The following SOX6 variants were observed in gnomAD, a reference collection of about 807,000 sequenced individuals.
The protein encoded by SOX6 is transcription factor SOX-6.
A neutral mutation model predicts 97.8 loss-of-function variants in SOX6; 11 were observed. That is an observed-to-expected ratio of 0.11 (90% CI 0.07 to 0.19). The LOEUF (loss-of-function observed/expected upper bound fraction) is 0.19. Ranked by LOEUF, SOX6 falls within the 10% of genes least tolerant of loss-of-function variation. The probability of loss-of-function intolerance (pLI) is 1.00; values close to 1 mark genes in which losing one functional copy is unlikely to be tolerated. For synonymous variants in SOX6, 360 were observed against 371.4 expected (o/e 0.97, Z 0.35); for missense variants, 810 against 1,039.5 (o/e 0.78, Z 3.04).
intron 3 of SOX6, chr11:16,318,055 T>G (rs1257497319): frequency 7.3e-6 from 3 of 412,198 alleles, no homozygotes; most frequent in Non-Finnish European, 1.4e-5. Context: ...AGAAATATTT[T>G]TAATTTTGCT....
At chr11:16,466,194 T>A (rs1367061678) in intron 1 of SOX6, among the ~76,000 whole-genome samples, 1 of 152,234 alleles carries the variant, frequency 6.6e-6, no homozygotes, top group Non-Finnish European at 1.5e-5. Context: ...TTATTGGCAA[T>A]CTTTAACTCA....
rs977820889 is a variant in SOX6, at chr11:16,582,158, T to C, written n.609+29923A>G. On this transcript the variant is annotated intron_variant and non_coding_transcript_variant, in intron 4 of 5. Transcript: ENST00000524520. ...GAAACAATAAATACCAGCGACTACCTGGGGAGGAAGTAAGGGGGCAAAGAC... is the reference window on the plus strand; with the variant it reads ...GAAACAATAAATACCAGCGACTACCCGGGGAGGAAGTAAGGGGGCAAAGAC... Among the ~76,000 whole-genome samples the C allele has an allele frequency of 2.0e-5, 3 of 152,082 alleles. No individual in the cohort carries two copies. In the East Asian group the frequency reaches 5.8e-4, roughly 29 times the overall value.
intron 5 of SOX6, 38 bp from the exon 6 acceptor site, chr11:16,183,992 G>A: frequency 6.5e-7 from 1 of 1,550,300 alleles, no homozygotes. Context: ...AAAATGAAAT[G>A]CTTACACCTC....
intron 3 of SOX6, chr11:16,317,370 A>C (rs1432428299): frequency 6.6e-6 from 1 of 151,902 alleles, no homozygotes; most frequent in Non-Finnish European, 1.5e-5. Flanking sequence ...CAAAATGTTT[A>C]AGTTGCAAAC....
At chr11:16,483,385 G>A (rs1860378541) in intron 4 of SOX6, among the ~76,000 whole-genome samples, 1 of 151,816 alleles carries the variant, frequency 6.6e-6, no homozygotes, top group Non-Finnish European at 1.5e-5. Flanking sequence ...TTTTATTTGA[G>A]GCAAAGAGAA....
intron 1 of SOX6, among the ~76,000 whole-genome samples, chr11:16,407,203 T>C (rs1858704614): frequency 6.6e-6 from 1 of 152,118 alleles, no homozygotes; most frequent in South Asian, 2.1e-4. Flanking sequence ...TTCCACAGAA[T>C]ACCAGAAAAC....
chr11:16,163,916 C>G (rs141087824), intron 6 of SOX6, among the ~76,000 whole-genome samples: 347 of 152,290 alleles, frequency 2.3e-3, no homozygotes, highest in African/African-American at 8.1e-3. Flanking sequence ...ACTTAAGGCC[C>G]TTTATTTCTG....
chr11:16,681,047 T>A (rs1847923581), intron 3 of SOX6, among the ~76,000 whole-genome samples: 1 of 152,048 alleles, frequency 6.6e-6, no homozygotes, highest in South Asian at 2.1e-4. Context: ...TTAGACAGAT[T>A]AACAAGACAG....
At chr11:16,426,924 A>AC (rs954609324) in intron 1 of SOX6, among the ~76,000 whole-genome samples, 3 of 149,822 alleles carry the variant, frequency 2.0e-5, no homozygotes, top group Non-Finnish European at 4.5e-5. Flanking sequence ...AAAAAAAAAA[A>AC]AAAAAAAAAA....
chr11:16,697,059 A>G (rs1328997291), intron 3 of SOX6, among the ~76,000 whole-genome samples: 1 of 152,164 alleles, frequency 6.6e-6, no homozygotes. Flanking sequence ...TTCTTTGCTC[A>G]TCCATAAAAT....
chr11:16,248,636 T>G (rs1589197), intron 3 of SOX6, among the ~76,000 whole-genome samples: 118,416 of 152,242 alleles, frequency 0.78, 46,210 homozygotes, highest in Non-Finnish European at 0.8. Flanking sequence ...AGCTGAAGCA[T>G]CTGGAATGCA....
Position 16,607,644 on chromosome 11 carries a change from G to A in SOX6, n.609+4437C>T, listed in dbSNP as rs1848350641. 6.6e-6 allele frequency: 1 copy of A among 152,368 alleles called. No homozygotes were observed. The highest frequency in any genetic ancestry group is 1.5e-5 in the Non-Finnish European group (1 of 68,168). The allele number at this position is 152,368 out of a possible 1,614,324, so 9.4% of individuals were successfully genotyped here. A position where few individuals can be genotyped will look rare whatever the true frequency, so the allele number is the denominator to read the frequency against. On this transcript the variant is annotated intron_variant and non_coding_transcript_variant, in intron 4 of 5. Coordinates refer to the SOX6 transcript ENST00000524520. This position sits in a 1 kb window ranked among gnomAD's most constrained non-coding sequence, Gnocchi z 6.5. Reference sequence around the variant, plus strand: ...GGTGCGCGCGGAGCGGGGTGACTAGGGGCTTCACCCTGGAACAAGTGAAGG... The same window carrying A: ...GGTGCGCGCGGAGCGGGGTGACTAGAGGCTTCACCCTGGAACAAGTGAAGG...
chr11:16,064,034 C>T (rs532904404), intron 9 of SOX6, among the ~76,000 whole-genome samples: 9 of 151,764 alleles, frequency 5.9e-5, no homozygotes, highest in East Asian at 5.8e-4. Context: ...CTTACAGTTA[C>T]TCTCTAAAAT....
chr11:16,176,972 G>T (rs1394195054), intron 6 of SOX6, among the ~76,000 whole-genome samples: 1 of 151,862 alleles, frequency 6.6e-6, no homozygotes, highest in Non-Finnish European at 1.5e-5. Flanking sequence ...GATTAAGCAT[G>T]CCCAAAGGTT....
intron 3 of SOX6, chr11:16,316,440 T>C (rs1451061439): frequency 6.6e-6 from 1 of 151,244 alleles, no homozygotes; most frequent in African/African-American, 2.4e-5. Context: ...AACATACATA[T>C]TGCAAAAAAA....
At chr11:16,634,132 T>C (rs559368593) in intron 3 of SOX6, among the ~76,000 whole-genome samples, 120 of 152,098 alleles carry the variant, frequency 7.9e-4, no homozygotes, top group African/African-American at 2.8e-3. Flanking sequence ...AAAGAAAATA[T>C]GTTCATAATC....
At chr11:16,523,009 T>G (rs527424387) in intron 4 of SOX6, among the ~76,000 whole-genome samples, 1 of 152,278 alleles carries the variant, frequency 6.6e-6, no homozygotes, top group Non-Finnish European at 1.5e-5. Context: ...CAAAGAGACT[T>G]AGACTCCCAC....
intron 3 of SOX6, among the ~76,000 whole-genome samples, chr11:16,658,457 C>T (rs188268375): frequency 1.2e-4 from 18 of 152,120 alleles, no homozygotes; most frequent in Admixed American, 1.0e-3. Context: ...GCCTGTAATC[C>T]CAGCACTTTG....
intron 3 of SOX6, among the ~76,000 whole-genome samples, chr11:16,235,174 C>A (rs776485104): frequency 2.6e-5 from 4 of 151,814 alleles, no homozygotes; most frequent in African/African-American, 4.8e-5. Flanking sequence ...CCAATTAAAG[C>A]AAAACAAGAA....
Sources: allele counts gnomAD v4.1 joint callset (sites outside exome capture counted in the v4.1 genomes callset), GRCh38; gene constraint gnomAD v4.1.1; non-coding constraint Gnocchi (gnomAD v3.1); transcripts MANE v1.5; gene names NCBI Gene and HGNC (gene_info 2026-07-23, HGNC 2026-07-21).